Variants in SDK1 observed in about 807,000 individuals in gnomAD.
SDK1 encodes protein sidekick-1.
A neutral mutation model predicts 245.5 loss-of-function variants in SDK1; 157 were observed. The observed-to-expected ratio is 0.64, with a 90% CI of 0.56 to 0.73. The LOEUF (loss-of-function observed/expected upper bound fraction) is 0.73, where lower values mean the gene tolerates loss of function less well. Ranked by LOEUF, SDK1 falls within the 30% of genes least tolerant of loss-of-function variation. The pLI, the probability that SDK1 is intolerant of heterozygous loss-of-function variation, is 0.00. For synonymous variants in SDK1, 1,647 were observed against 1,278.5 expected (o/e 1.29, Z -6.15); for missense variants, 3,583 against 3,002.3 (o/e 1.19, Z -4.52).
At chr7:3,385,669 C>T (rs12155428) in intron 1 of SDK1, among the ~76,000 whole-genome samples, 2,560 of 152,204 alleles carry the variant, frequency 0.017, 30 homozygotes, top group Middle Eastern at 0.031. Flanking sequence ...ATACAGCCCC[C>T]GTATGTATCT....
chr7:3,961,576 G>A (rs1781683209), intron 8 of SDK1, among the ~76,000 whole-genome samples: 1 of 151,418 alleles, frequency 6.6e-6, no homozygotes, highest in African/African-American at 2.4e-5. Context: ...CATGGAGCGA[G>A]GCAGCTTTTC....
rs149506746 is a variant in SDK1 at position 3,543,898 on chromosome 7, A to G, written c.299-75182A>G. Among the ~76,000 whole-genome samples the G allele has an allele frequency of 8.5e-5, 13 of 152,350 alleles. 1 individual carries two copies. The East Asian group carries it at 2.5e-3, about 29-fold the overall frequency. On this transcript the variant is annotated intron_variant, in intron 1 of 44. Coordinates refer to ENST00000404826, the MANE Select transcript of SDK1 (RefSeq NM_152744.4). ...CTTGATAGTACAAACACCAACAGCC[A>G]TCTGAGTTCTGTAAATTGTTACTGA...
chr7:3,472,756 G>A (rs948981265), intron 1 of SDK1, among the ~76,000 whole-genome samples: 3 of 152,168 alleles, frequency 2.0e-5, no homozygotes, highest in Admixed American at 1.3e-4. Context: ...GGCCAGTGAC[G>A]TCCTGGAGTT....
At chr7:3,550,247 G>C (rs1779358014) in intron 1 of SDK1, among the ~76,000 whole-genome samples, 1 of 152,100 alleles carries the variant, frequency 6.6e-6, no homozygotes, top group Admixed American at 6.5e-5. Flanking sequence ...TGCAAATTTA[G>C]GCATTTGTCA....
intron 5 of SDK1, among the ~76,000 whole-genome samples, chr7:3,938,698 G>C (rs1276808533): frequency 6.6e-6 from 1 of 150,878 alleles, no homozygotes; most frequent in African/African-American, 2.5e-5. Context: ...CAGATATTTG[G>C]ATCACTCTAG....
intron 4 of SDK1, among the ~76,000 whole-genome samples, chr7:3,656,739 C>CTTTTTT (rs11368318): frequency 8.0e-6 from 1 of 125,522 alleles, no homozygotes; most frequent in Non-Finnish European, 1.7e-5. Flanking sequence ...TGGTGGAAAT[C>CTTTTTT]TTTTTTTTTT....
intron 1 of SDK1, among the ~76,000 whole-genome samples, chr7:3,514,899 C>T (rs906337554): frequency 6.6e-6 from 1 of 152,190 alleles, no homozygotes; most frequent in Admixed American, 6.5e-5. Context: ...CTCTCTTTCT[C>T]TCTTTCACTC....
chr7:4,244,856 C>T lies in SDK1; in HGVS notation c.6252-820C>T, dbSNP rs150329709. Among the ~76,000 whole-genome samples the T allele has an allele frequency of 2.0e-5, 3 of 152,302 alleles. No individual in the cohort carries two copies. The East Asian group carries it at 5.8e-4, about 29-fold the overall frequency. ...TTCTTGGCCCTCCTCTGGAGGCCGCCCTCATGTCCTGGAGGCCGCTCATGG... is the reference window on the plus strand; with the variant it reads ...TTCTTGGCCCTCCTCTGGAGGCCGCTCTCATGTCCTGGAGGCCGCTCATGG... On this transcript the variant is annotated intron_variant, in intron 43 of 44. Coordinates refer to ENST00000404826, the MANE Select transcript of SDK1 (RefSeq NM_152744.4).
At position 3,782,693 on chromosome 7, in the gene SDK1, A is replaced by G. The variant is rs556315196; in HGVS notation, c.714-38757A>G. 3.8e-4 allele frequency among the ~76,000 whole-genome samples: 58 copies of G among 152,374 alleles called. 1 individual carries two copies. In the South Asian group the frequency reaches 0.012, roughly 30 times the overall value. On this transcript the variant is annotated intron_variant, in intron 4 of 44. Coordinates refer to ENST00000404826, the MANE Select transcript of SDK1 (RefSeq NM_152744.4). ...AGTGCTGAATTTATATTTATATTTT[A>G]CAATAAAGTGTTGAATATGTAACGC...
intron 1 of SDK1, among the ~76,000 whole-genome samples, chr7:3,558,817 T>A (rs909600290): frequency 1.3e-5 from 2 of 152,230 alleles, no homozygotes; most frequent in Non-Finnish European, 2.9e-5. Context: ...GCAGTCTATA[T>A]TAGAGACTGT....
intron 1 of SDK1, among the ~76,000 whole-genome samples, chr7:3,389,555 G>A (rs185015556): frequency 2.7e-4 from 41 of 152,254 alleles, no homozygotes; most frequent in Admixed American, 2.5e-3. Context: ...GATAATAAAG[G>A]TATGTTATTT....
chr7:3,755,130 G>A (rs1007774744), intron 4 of SDK1, among the ~76,000 whole-genome samples: 2 of 152,176 alleles, frequency 1.3e-5, no homozygotes, highest in Non-Finnish European at 1.5e-5. Context: ...CAGAGGGGTG[G>A]GAAAGCTTCC....
Sources: gnomAD v4.1 joint callset for allele counts (sites outside exome capture counted in the v4.1 genomes callset) on GRCh38, gnomAD v4.1.1 for gene constraint, MANE v1.5 for transcripts, NCBI Gene and HGNC (gene_info 2026-07-23, HGNC 2026-07-21) for gene names.